Variants in DNAJC3 observed in about 807,000 individuals in gnomAD.
DNAJC3 encodes the protein dnaJ homolog subfamily C member 3.
A neutral mutation model predicts 68.6 loss-of-function variants in DNAJC3; 38 were observed. The observed-to-expected ratio is 0.55, with a 90% CI of 0.43 to 0.73. The LOEUF (loss-of-function observed/expected upper bound fraction) is 0.73, where lower values mean the gene tolerates loss of function less well. Ranked by LOEUF, DNAJC3 falls within the 30% of genes least tolerant of loss-of-function variation. DNAJC3 has a pLI of 0.00. For missense variants in DNAJC3, 526 were observed against 591.9 expected (o/e 0.89, Z 1.16); for synonymous variants, 203 against 204.0 (o/e 1.00, Z 0.04).
chr13:95,737,545 C>G (rs1234031198), intron 4 of DNAJC3, among the ~76,000 whole-genome samples: 1 of 151,940 alleles, frequency 6.6e-6, no homozygotes, highest in Non-Finnish European at 1.5e-5. Flanking sequence ...CTGGTTTAGT[C>G]TTGAGAGAGT....
chr13:95,792,570 G>C lies in DNAJC3; in HGVS notation c.*1540G>C, dbSNP rs745312190. On this transcript the variant is annotated 3_prime_UTR_variant, in exon 12 of 12. Transcript: ENST00000602402. ...GTCTGTAGTCATATCCTGAAACATAGGTGGACAAATTTTTAACTGAGAGAC... is the reference window on the plus strand; with the variant it reads ...GTCTGTAGTCATATCCTGAAACATACGTGGACAAATTTTTAACTGAGAGAC... The C allele has an allele frequency of 6.6e-6, 1 of 152,104 alleles. No individual in the cohort carries two copies. Among genetic ancestry groups the C allele is most frequent in the South Asian group, 2.1e-4 (1 of 4,828 alleles). 9.4% of individuals were successfully genotyped at this position (152,104 alleles called of 1,614,324 possible). A position where few individuals can be genotyped will look rare whatever the true frequency, so the allele number is the denominator to read the frequency against.
chr13:95,715,776 T>G (rs182347827), intron 2 of DNAJC3, among the ~76,000 whole-genome samples: 1 of 151,686 alleles, frequency 6.6e-6, no homozygotes, highest in Non-Finnish European at 1.5e-5. Context: ...CATGAGCCAC[T>G]GCGCCCAGCC....
At chr13:95,724,245 A>C (rs1405089072) in intron 3 of DNAJC3, among the ~76,000 whole-genome samples, 1 of 151,896 alleles carries the variant, frequency 6.6e-6, no homozygotes, top group Non-Finnish European at 1.5e-5. Flanking sequence ...ATGATAGTTT[A>C]ATCTTGCTTT....
chr13:95,711,555 A>C (rs1425002574), intron 2 of DNAJC3, among the ~76,000 whole-genome samples: 1 of 152,110 alleles, frequency 6.6e-6, no homozygotes, highest in Non-Finnish European at 1.5e-5. Context: ...TAATTATAAG[A>C]ACATACAAAA....
chr13:95,752,145 C>G (rs1882499534), intron 4 of DNAJC3, among the ~76,000 whole-genome samples: 2 of 152,124 alleles, frequency 1.3e-5, no homozygotes, highest in Admixed American at 1.3e-4. Flanking sequence ...TCCTCTGTGT[C>G]CGTTTTCCTT....
At chr13:95,786,512 C>T (rs990243758) in intron 10 of DNAJC3, among the ~76,000 whole-genome samples, 1 of 152,164 alleles carries the variant, frequency 6.6e-6, no homozygotes, top group African/African-American at 2.4e-5. Context: ...AAATGATACA[C>T]CTCCCAGTGC....
chr13:95,789,777 G>A (rs1363114503), intron 11 of DNAJC3, among the ~76,000 whole-genome samples: 4 of 131,668 alleles, frequency 3.0e-5, no homozygotes, highest in South Asian at 2.5e-4. Flanking sequence ...GTGTATAAGC[G>A]TTCCTTTTTC....
At chr13:95,689,460 G>A (rs1437272166) in intron 1 of DNAJC3, among the ~76,000 whole-genome samples, 1 of 151,518 alleles carries the variant, frequency 6.6e-6, no homozygotes, top group Non-Finnish European at 1.5e-5. Flanking sequence ...CTCATTTCTG[G>A]TTGTGCTTAT....
intron 4 of DNAJC3, among the ~76,000 whole-genome samples, chr13:95,730,443 T>A (rs1566487905): frequency 6.6e-6 from 1 of 152,240 alleles, no homozygotes. Flanking sequence ...TAGTTTTAGG[T>A]CTTACGTTTA....
At chr13:95,779,341 G>T (rs17879508) in intron 9 of DNAJC3, among the ~76,000 whole-genome samples, 1 of 151,916 alleles carries the variant, frequency 6.6e-6, no homozygotes, top group South Asian at 2.1e-4. Flanking sequence ...AGCCAGGATG[G>T]TCTCGATCTC....
At chr13:95,716,354 G>A (rs1881145715) in intron 2 of DNAJC3, among the ~76,000 whole-genome samples, 2 of 152,128 alleles carry the variant, frequency 1.3e-5, no homozygotes, top group South Asian at 2.1e-4. Context: ...TTTGGGCTCC[G>A]GCCCCACGGC....
intron 4 of DNAJC3, among the ~76,000 whole-genome samples, chr13:95,740,215 G>GCTGT (rs1340436081): frequency 6.6e-6 from 1 of 152,228 alleles, no homozygotes; most frequent in African/African-American, 2.4e-5. Flanking sequence ...TCTCTTCAAA[G>GCTGT]CTGTCAGACA....
At chr13:95,777,518 G>A (rs1379167672) in intron 9 of DNAJC3, among the ~76,000 whole-genome samples, 2 of 152,062 alleles carry the variant, frequency 1.3e-5, no homozygotes, top group African/African-American at 4.8e-5. Flanking sequence ...GTCATCATTA[G>A]CTATAATTTT....
intron 1 of DNAJC3, among the ~76,000 whole-genome samples, chr13:95,700,343 C>T (rs1450666528): frequency 6.6e-6 from 1 of 152,100 alleles, no homozygotes; most frequent in Admixed American, 6.5e-5. Context: ...TGTAGTTTCT[C>T]GAACTAACCA....
chr13:95,696,138 C>T (rs1018915772), intron 1 of DNAJC3, among the ~76,000 whole-genome samples: 2 of 152,164 alleles, frequency 1.3e-5, no homozygotes, highest in Admixed American at 1.3e-4. Flanking sequence ...AAACTCGATC[C>T]ACATGAATAT....
chr13:95,677,574 C>A (rs1325901999), intron 1 of DNAJC3, among the ~76,000 whole-genome samples: 9 of 152,212 alleles, frequency 5.9e-5, no homozygotes, highest in Admixed American at 5.9e-4. Flanking sequence ...AGGAACCGGG[C>A]CGCAGGAGTC....
chr13:95,765,431 A>G (rs912628847), intron 9 of DNAJC3, among the ~76,000 whole-genome samples: 16 of 151,974 alleles, frequency 1.1e-4, no homozygotes, highest in Non-Finnish European at 1.8e-4. Flanking sequence ...AAAAGGCTAA[A>G]TCTTGTAGAA....
At chr13:95,715,039 A>G (rs1593973263) in intron 2 of DNAJC3, among the ~76,000 whole-genome samples, 2 of 152,162 alleles carry the variant, frequency 1.3e-5, no homozygotes, top group South Asian at 4.1e-4. Flanking sequence ...AAACATGGCA[A>G]TTTATTGGTG....
At chr13:95,769,962 C>T (rs1042125769) in intron 9 of DNAJC3, among the ~76,000 whole-genome samples, 4 of 152,120 alleles carry the variant, frequency 2.6e-5, no homozygotes, top group Non-Finnish European at 2.9e-5. Context: ...GAAAAAGATA[C>T]AAGGCAGATT....
Sources: gnomAD v4.1 joint callset for allele counts (sites outside exome capture counted in the v4.1 genomes callset) on GRCh38, gnomAD v4.1.1 for gene constraint, MANE v1.5 for transcripts, NCBI Gene and HGNC (gene_info 2026-07-23, HGNC 2026-07-21) for gene names.